KRCC1: variants seen among roughly 807,000 people sequenced by gnomAD.
KRCC1 encodes the protein lysine rich coiled-coil 1.
A neutral mutation model predicts 7.4 loss-of-function variants in KRCC1; 3 were observed. That is an observed-to-expected ratio of 0.40 (90% confidence interval 0.18 to 1.04). The LOEUF is 1.04. KRCC1 is among the 50% of genes least tolerant of loss of function. The pLI, the probability that KRCC1 is intolerant of heterozygous loss-of-function variation, is 0.33. For synonymous variants in KRCC1, 102 were observed against 101.6 expected (o/e 1.00, Z -0.02); for missense variants, 277 against 300.9 (o/e 0.92, Z 0.59).
chr2:88,053,118 G>A (rs529193961), intron 1 of KRCC1, among the ~76,000 whole-genome samples: 4 of 151,898 alleles, frequency 2.6e-5, no homozygotes, highest in South Asian at 2.1e-4. Context: ...AGGTCTTCTC[G>A]GGGGTACGAT....
chr2:88,029,854 A>ATTTTT (rs11334245), intron 3 of KRCC1, among the ~76,000 whole-genome samples: 2 of 138,388 alleles, frequency 1.4e-5, no homozygotes, highest in Non-Finnish European at 3.1e-5. Context: ...ATATATATAT[A>ATTTTT]TTTTTTTTTT....
At chr2:88,054,318 A>G (rs1673564797) in intron 1 of KRCC1, among the ~76,000 whole-genome samples, 1 of 152,188 alleles carries the variant, frequency 6.6e-6, no homozygotes, top group Non-Finnish European at 1.5e-5. Flanking sequence ...AAAAATTTTT[A>G]CTGTTTGTTC....
At chr2:88,032,448 G>A (rs1173910265) in intron 3 of KRCC1, among the ~76,000 whole-genome samples, 2 of 152,118 alleles carry the variant, frequency 1.3e-5, no homozygotes, top group Non-Finnish European at 2.9e-5. Flanking sequence ...CAGATTTGTA[G>A]CCTAGGAGCA....
intron 3 of KRCC1, among the ~76,000 whole-genome samples, chr2:88,033,193 T>G (rs115960906): frequency 0.014 from 2,164 of 152,204 alleles, 42 homozygotes; most frequent in African/African-American, 0.05. Flanking sequence ...ATACAGTTTA[T>G]TATATGCTAA....
intron 3 of KRCC1, among the ~76,000 whole-genome samples, chr2:88,032,979 A>G (rs912239519): frequency 1.3e-5 from 2 of 152,288 alleles, no homozygotes; most frequent in Non-Finnish European, 2.9e-5. Flanking sequence ...ATAAAAGAGT[A>G]CATACGATAT....
chr2:88,042,988 A>T (rs1242510397), intron 1 of KRCC1, among the ~76,000 whole-genome samples: 2 of 152,226 alleles, frequency 1.3e-5, no homozygotes, highest in Admixed American at 1.3e-4. Flanking sequence ...AATCAAATTC[A>T]GCATCTTTTT....
At chr2:88,053,450 T>C (rs986924534) in intron 1 of KRCC1, among the ~76,000 whole-genome samples, 2 of 152,236 alleles carry the variant, frequency 1.3e-5, no homozygotes, top group African/African-American at 4.8e-5. Context: ...TTTCCAAATC[T>C]TCCTGTGGTC....
At chr2:88,054,342 A>G (rs1442418280) in intron 1 of KRCC1, among the ~76,000 whole-genome samples, 1 of 152,222 alleles carries the variant, frequency 6.6e-6, no homozygotes, top group Non-Finnish European at 1.5e-5. Context: ...CCAACACCTA[A>G]TAACAGCTCC....
intron 3 of KRCC1, among the ~76,000 whole-genome samples, chr2:88,030,191 G>A (rs1350611693): frequency 6.7e-6 from 1 of 149,050 alleles, no homozygotes; most frequent in Non-Finnish European, 1.5e-5. Flanking sequence ...CAAAAAATTA[G>A]GAGGGCATAT....
intron 3 of KRCC1, among the ~76,000 whole-genome samples, chr2:88,033,257 C>T (rs1673029292): frequency 6.6e-6 from 1 of 152,174 alleles, no homozygotes; most frequent in Non-Finnish European, 1.5e-5. Flanking sequence ...GGCGCGGTGG[C>T]TCAGGCCTGT....
At chr2:88,047,952 A>G (rs1010767257) in intron 1 of KRCC1, among the ~76,000 whole-genome samples, 17 of 152,190 alleles carry the variant, frequency 1.1e-4, no homozygotes, top group Non-Finnish European at 2.4e-4. Context: ...CTTCCTCTCT[A>G]ATAAATACAC....
chr2:88,034,613 T>C (rs907724336), intron 2 of KRCC1, among the ~76,000 whole-genome samples: 50 of 152,364 alleles, frequency 3.3e-4, no homozygotes, highest in Admixed American at 2.1e-3. Context: ...CTTCAAATGT[T>C]GATCATTTCT....
At chr2:88,048,362 G>A (rs754154532) in intron 1 of KRCC1, among the ~76,000 whole-genome samples, 105 of 152,266 alleles carry the variant, frequency 6.9e-4, no homozygotes, top group Non-Finnish European at 9.1e-4. Context: ...GATTACAGGT[G>A]TATTGGGCCT....
chr2:88,041,421 C>G (rs368236713), intron 1 of KRCC1, among the ~76,000 whole-genome samples: 11 of 152,298 alleles, frequency 7.2e-5, no homozygotes, highest in African/African-American at 2.2e-4. Context: ...GATTTTGGAA[C>G]AAATCCAGAT....
intron 3 of KRCC1, 82 bp from the exon 4 acceptor site, chr2:88,028,667 T>A: frequency 1.4e-6 from 1 of 711,096 alleles, no homozygotes; most frequent in South Asian, 2.0e-5. Context: ...TTTTTTTTCT[T>A]GAGATGGCGT....
chr2:88,054,636 C>T (rs181020193), intron 1 of KRCC1, among the ~76,000 whole-genome samples: 1 of 152,140 alleles, frequency 6.6e-6, no homozygotes, highest in Non-Finnish European at 1.5e-5. Context: ...CCTGACTCTA[C>T]TTGAGCCCTC....
In KRCC1 at chr2:88,027,682, G is replaced by A. The variant is rs530486326; in HGVS notation, c.*102C>T. On this transcript the variant is annotated 3_prime_UTR_variant, in exon 4 of 4. Coordinates refer to ENST00000347055, the MANE Select transcript of KRCC1 (RefSeq NM_016618.3). ...TACTAGGCCTTTGTTAGAAGTTAAA[G>A]AACCTATTCACATAAGAAAAGTGGT... is the stretch of plus-strand genomic sequence containing the variant. 1.4e-4 allele frequency: 142 copies of A among 991,022 alleles called. No homozygotes were observed. The African/African-American group carries it at 2.2e-3, about 15-fold the overall frequency. 61.4% of individuals were successfully genotyped at this position (991,022 alleles called of 1,614,324 possible).
chr2:88,044,863 ATTTTTTTTT>A (rs11302450), intron 1 of KRCC1, among the ~76,000 whole-genome samples: 237 of 105,866 alleles, frequency 2.2e-3, no homozygotes, highest in Non-Finnish European at 3.4e-3. Context: ...GAGTTTGATA[ATTTTTTTTT>A]TTTTTTTTTT....
At chr2:88,051,531 G>T (rs947179280) in intron 1 of KRCC1, among the ~76,000 whole-genome samples, 2 of 152,176 alleles carry the variant, frequency 1.3e-5, no homozygotes, top group African/African-American at 2.4e-5. Flanking sequence ...TTGAGTCCTA[G>T]CCATGTTTTA....
Sources: allele counts gnomAD v4.1 joint callset (sites outside exome capture counted in the v4.1 genomes callset), GRCh38; gene constraint gnomAD v4.1.1; transcripts MANE v1.5; gene names NCBI Gene and HGNC (gene_info 2026-07-23, HGNC 2026-07-21).